The following FTCD variants were observed in gnomAD, a reference collection of about 807,000 sequenced individuals.
The protein encoded by FTCD is formimidoyltransferase cyclodeaminase, also known as formimidoyltransferase-cyclodeaminase.
A neutral mutation model predicts 62.9 loss-of-function variants in FTCD; 76 were observed. The observed-to-expected ratio is 1.21, with a 90% CI of 1.00 to 1.46. The LOEUF (loss-of-function observed/expected upper bound fraction) is 1.46. Among genes scored for constraint, FTCD ranks in the 40% most tolerant of loss-of-function variants. The pLI is 0.00. For missense variants in FTCD, 845 were observed against 751.3 expected (o/e 1.12, Z -1.46); for synonymous variants, 397 against 336.9 (o/e 1.18, Z -1.95).
chr21:46,155,563 G>A lies in FTCD; in HGVS notation c.-40C>T. ...TCCAGATGCTCCTCTCTGGGCAGAT[G>A]GAAGGACAGGGCCAGTGCTCCGCAG... is the stretch of plus-strand genomic sequence containing the variant. On this transcript the variant is annotated 5_prime_UTR_variant, in exon 1 of 14. Coordinates refer to ENST00000397746, the MANE Select transcript of FTCD (RefSeq NM_206965.2). The A allele has an allele frequency of 6.4e-7, 1 of 1,571,002 alleles. No individual in the cohort carries two copies. Among genetic ancestry groups the A allele is most frequent in the Non-Finnish European group, 8.8e-7 (1 of 1,142,040 alleles).
In FTCD at chr21:46,137,320, G is replaced by C. The variant is rs140089224; in HGVS notation, c.1458C>G (p.Ala486=). 2.6e-5 allele frequency: 42 copies of C among 1,613,444 alleles called. No individual in the cohort carries two copies. The highest frequency in any genetic ancestry group is 5.0e-5 in the Admixed American group (3 of 60,008). ...ATGCGCCAAACACGCCCATCTCCAGGGCTTTGGCCGCCACCTGCAAGGACC... is the reference window on the plus strand; with the variant it reads ...ATGCGCCAAACACGCCCATCTCCAGCGCTTTGGCCGCCACCTGCAAGGACC... The part of the protein sequence containing the change: ...CRSDLQVAAK[A]LEMGVFGAYF... Residue 486 remains alanine (A), a synonymous_variant, in exon 13 of 14, where the codon GCC becomes GCG. Coordinates refer to ENST00000397746, the MANE Select transcript of FTCD (RefSeq NM_206965.2).
In FTCD at chr21:46,151,623, C is replaced by A. The variant is rs376603123; in HGVS notation, c.571G>T (p.Gly191Cys). ...ATGCGGTGGGCTTGCTCCTTTGTGC[C>A]GAGCAGGTTGATGTTAAAAGCAATG... ...FLIAFNINLL[G>C]TKEQAHRIAL... is the part of the protein sequence containing the mutation. Residue 191 changes from glycine to cysteine, a missense_variant, in exon 5 of 14, where the codon GGC (glycine) becomes TGC (cysteine). By Grantham distance (159) the Gly-to-Cys change is radical. Coordinates refer to ENST00000397746, the MANE Select transcript of FTCD (RefSeq NM_206965.2). 3.7e-6 allele frequency: 6 copies of A among 1,612,958 alleles called. No homozygotes were observed. In the Admixed American group the frequency reaches 1.0e-4, roughly 27 times the overall value.
At chr21:46,143,366 C>T (rs1002114774) in intron 10 of FTCD, among the ~76,000 whole-genome samples, 3 of 151,588 alleles carry the variant, frequency 2.0e-5, no homozygotes, top group Admixed American at 6.6e-5. Context: ...CTCCCTACCC[C>T]CCCTCCCCAT....
rs376899030 is a variant in FTCD at position 46,152,979 on chromosome 21, C to T, written c.295G>A (p.Val99Ile). 1.4e-5 allele frequency: 22 copies of T among 1,553,812 alleles called. No homozygotes were observed. The highest frequency in any genetic ancestry group is 3.3e-4 in the Middle Eastern group (2 of 5,990). Residue 99 changes from valine to isoleucine, a missense_variant, in exon 3 of 14, where the codon GTC becomes ATC. Transcript: ENST00000397746. ...CAGAGCACACACTCATCCACGCTGA[C>T]GCCCCTCACGGGGATGAAGGGGCAG... Reference protein sequence around the residue: ...DVCPFIPVRGVSVDECVLCAQ... With the variant: ...DVCPFIPVRGISVDECVLCAQ...
intron 12 of FTCD, among the ~76,000 whole-genome samples, chr21:46,137,870 C>A (rs1487827468): frequency 6.6e-6 from 1 of 152,208 alleles, no homozygotes; most frequent in African/African-American, 2.4e-5. Context: ...GAGGCATCTA[C>A]TTCCAAGAGC....
chr21:46,139,640 G>A (rs765092246), intron 10 of FTCD, among the ~76,000 whole-genome samples: 12 of 152,228 alleles, frequency 7.9e-5, no homozygotes, highest in African/African-American at 2.7e-4. Flanking sequence ...CCTCGACCAT[G>A]GATGAGAGCA....
At chr21:46,136,550 C>T, downstream of FTCD, 1 of 1,598,246 alleles carries the variant, frequency 6.3e-7, no homozygotes, top group Admixed American at 1.7e-5. Context: ...CCTCACAGCC[C>T]AGGGACCTGC....
rs772183062 is a variant in FTCD, at chr21:46,136,896, G to A, written c.*91C>T. On this transcript the variant is annotated 3_prime_UTR_variant, in exon 14 of 14. Transcript: ENST00000397746. ...CCCACCTACCCTCCGGGCCCCACAC[G>A]AACAAGCTGTGTCCCCACCGAGGTC... The A allele has an allele frequency of 1.1e-5, 17 of 1,593,056 alleles. No individual in the cohort carries two copies. The highest frequency in any genetic ancestry group is 1.3e-5 in the African/African-American group (1 of 74,324).
In FTCD at chr21:46,154,202, GC is replaced by G. The variant is rs776381858; in HGVS notation, c.184del (p.Ala62ProfsTer7). ...VGPPECVVEGALNAARVASRL... is the reference protein window; with the variant it reads ...VGPPECVVEGXLNAARVASRL... ...GGAAGCTACCCGGGCAGCGTTGAGG[GC>G]CCCCTCCACCACGCACTCCGGCGGC... On this transcript the variant is annotated frameshift_variant, in exon 2 of 14. Coordinates refer to ENST00000397746, the MANE Select transcript of FTCD (RefSeq NM_206965.2). LOFTEE classifies it high-confidence loss of function. 6.8e-6 allele frequency: 11 copies of G among 1,612,854 alleles called. No homozygotes were observed. Among genetic ancestry groups the G allele is most frequent in the East Asian group, 2.2e-5 (1 of 44,866 alleles).
chr21:46,141,400 G>C (rs1192689456), intron 10 of FTCD, among the ~76,000 whole-genome samples: 1 of 151,864 alleles, frequency 6.6e-6, no homozygotes, highest in African/African-American at 2.4e-5. Context: ...GCCCACCTTG[G>C]TTTTCCAAAA....
chr21:46,141,751 C>T lies in FTCD; in HGVS notation c.1261-2828G>A, dbSNP rs528578999. Among the ~76,000 whole-genome samples, 37 of 152,180 alleles carry T rather than the reference C, an allele frequency of 2.4e-4. 1 individual carries two copies. The South Asian group carries it at 7.3e-3, about 30-fold the overall frequency. ...AAATACTAGAAGGCAGCGAAAGCCC[C>T]AAGAGAAACTAAGATAAAAGGAGTC... On this transcript the variant is annotated intron_variant, in intron 10 of 13. Transcript: ENST00000397746.
At position 46,136,817 on chromosome 21, in the gene FTCD, G is replaced by C; in HGVS notation, c.*170C>G. 1.3e-6 allele frequency: 2 copies of C among 1,547,014 alleles called. No homozygotes were observed. The highest frequency in any genetic ancestry group is 8.7e-7 in the Non-Finnish European group (1 of 1,145,170). Reference sequence around the variant, plus strand: ...CTTTACTGGAGGTCACATGGGACTAGGGGCCTTCTGTCCCTGCCAGCGCCT... The same window carrying C: ...CTTTACTGGAGGTCACATGGGACTACGGGCCTTCTGTCCCTGCCAGCGCCT... On this transcript the variant is annotated 3_prime_UTR_variant, in exon 14 of 14. Coordinates refer to ENST00000397746, the MANE Select transcript of FTCD (RefSeq NM_206965.2).
chr21:46,142,768 G>C (rs550943344), intron 10 of FTCD: 1 of 152,362 alleles, frequency 6.6e-6, no homozygotes, highest in African/African-American at 2.4e-5. Flanking sequence ...ACATCCTGCT[G>C]ATTGGTCCAC....
At chr21:46,152,424 G>T (rs1444550310) in intron 3 of FTCD, 1 of 207,446 alleles carries the variant, frequency 4.8e-6, no homozygotes, top group Non-Finnish European at 9.7e-6. Context: ...CGTGACGGGG[G>T]TTACGTGTGC....
intron 11 of FTCD, 109 bp downstream of exon 11, chr21:46,138,771 A>C: frequency 7.0e-7 from 1 of 1,436,428 alleles, no homozygotes; most frequent in Non-Finnish European, 9.8e-7. Flanking sequence ...CCAAACACCC[A>C]GCACGCCCAG....
intron 7 of FTCD, among the ~76,000 whole-genome samples, chr21:46,147,942 CAA>C (rs3057182): frequency 0.035 from 3,334 of 96,076 alleles, 117 homozygotes; most frequent in African/African-American, 0.12. Context: ...GGCTCCATCT[CAA>C]AAAAAAAAAA....
At chr21:46,150,304 G>A in intron 6 of FTCD, 54 bp from the exon 7 acceptor site, 2 of 1,609,312 alleles carry the variant, frequency 1.2e-6, no homozygotes, top group Non-Finnish European at 1.7e-6. Flanking sequence ...GAATGGCCCT[G>A]GCTGGAGGAT....
intron 2 of FTCD, among the ~76,000 whole-genome samples, chr21:46,153,926 G>A (rs981709039): frequency 6.6e-6 from 1 of 152,134 alleles, no homozygotes; most frequent in Non-Finnish European, 1.5e-5. Flanking sequence ...GGTGCTGTGG[G>A]AGCGTGGCGA....
chr21:46,136,351 C>T (rs561744402), downstream of FTCD: 35 of 1,312,042 alleles, frequency 2.7e-5, 1 homozygote, highest in South Asian at 3.7e-4. Flanking sequence ...AAAAGTCTCC[C>T]AGGAGCCACT....
Sources: gnomAD v4.1 joint callset for allele counts (sites outside exome capture counted in the v4.1 genomes callset) on GRCh38, gnomAD v4.1.1 for gene constraint, MANE v1.5 for transcripts, NCBI Gene and HGNC (gene_info 2026-07-23, HGNC 2026-07-21) for gene names.